The following RANBP17 variants were observed in gnomAD, a reference collection of about 807,000 sequenced individuals.
The protein encoded by RANBP17 is ran-binding protein 17.
A neutral mutation model predicts 141.2 loss-of-function variants in RANBP17; 158 were observed. The ratio of observed to expected loss-of-function variants is 1.12; its 90% CI spans 0.98 to 1.28. The LOEUF is 1.28. Among genes scored for constraint, RANBP17 ranks in the 50% most tolerant of loss-of-function variants. The pLI, the probability that RANBP17 is intolerant of heterozygous loss-of-function variation, is 0.00. For missense variants in RANBP17, 1,438 were observed against 1,290.7 expected (o/e 1.11, Z -1.75); for synonymous variants, 430 against 450.0 (o/e 0.96, Z 0.56).
At chr5:171,079,784 T>C (rs566967127) in intron 14 of RANBP17, among the ~76,000 whole-genome samples, 2 of 152,370 alleles carry the variant, frequency 1.3e-5, no homozygotes, top group East Asian at 3.9e-4. Flanking sequence ...TGTAAACATG[T>C]AAATGCAACA....
chr5:171,178,844 C>A (rs1424165524), intron 16 of RANBP17, among the ~76,000 whole-genome samples: 10 of 152,128 alleles, frequency 6.6e-5, no homozygotes, highest in Non-Finnish European at 2.9e-5. Context: ...TGTTCCTATC[C>A]GTCGCCCACT....
intron 25 of RANBP17, among the ~76,000 whole-genome samples, chr5:171,275,182 C>G (rs1471897652): frequency 6.6e-6 from 1 of 152,092 alleles, no homozygotes; most frequent in East Asian, 1.9e-4. Flanking sequence ...TTTATTTCAG[C>G]CAGTGACAAT....
chr5:171,284,568 T>C (rs1041121412), intron 25 of RANBP17: 1 of 152,190 alleles, frequency 6.6e-6, no homozygotes, highest in Non-Finnish European at 1.5e-5. Flanking sequence ...TCAAGCAATC[T>C]GCCCACCTTG....
At chr5:170,959,125 A>T (rs1775951122) in intron 13 of RANBP17, among the ~76,000 whole-genome samples, 1 of 152,104 alleles carries the variant, frequency 6.6e-6, no homozygotes, top group Non-Finnish European at 1.5e-5. Flanking sequence ...CTTCTTTCAG[A>T]CCTATTCTAC....
chr5:171,226,405 G>A lies in RANBP17; in HGVS notation c.2422+4565G>A, dbSNP rs554964244. Among the ~76,000 whole-genome samples, 10 of 152,220 alleles carry A rather than the reference G, an allele frequency of 6.6e-5. No homozygotes were observed. In the South Asian group the frequency reaches 1.7e-3, roughly 25 times the overall value. On this transcript the variant is annotated intron_variant, in intron 22 of 27. Coordinates refer to ENST00000523189, the MANE Select transcript of RANBP17 (RefSeq NM_022897.5). ...TTCCTTAGGTACCTGATTTAAGAACGCAATATATAAAGATTCTAAACTTTA... is the reference window on the plus strand; with the variant it reads ...TTCCTTAGGTACCTGATTTAAGAACACAATATATAAAGATTCTAAACTTTA...
At chr5:171,000,755 G>C (rs939925089) in intron 14 of RANBP17, among the ~76,000 whole-genome samples, 4 of 152,152 alleles carry the variant, frequency 2.6e-5, no homozygotes, top group African/African-American at 9.7e-5. Context: ...AATGTTTTAC[G>C]GGCAGGGGGT....
At chr5:170,967,115 G>A (rs1776626080) in intron 13 of RANBP17, among the ~76,000 whole-genome samples, 1 of 152,068 alleles carries the variant, frequency 6.6e-6, no homozygotes, top group Non-Finnish European at 1.5e-5. Context: ...AAGAGAATGA[G>A]GAACCTCCTT....
At chr5:171,169,701 A>G (rs77325418) in intron 14 of RANBP17, among the ~76,000 whole-genome samples, 1 of 32,036 alleles carries the variant, frequency 3.1e-5, no homozygotes, top group Non-Finnish European at 1.2e-4. Context: ...ACTGCCTTAA[A>G]TAATCCTGAA....
In RANBP17 at chr5:170,969,767, C is replaced by T. The variant is rs149978334; in HGVS notation, c.1710+1390C>T. Among the ~76,000 whole-genome samples, 840 of 151,936 alleles carry T rather than the reference C, an allele frequency of 5.5e-3. 4 individuals carry two copies. Among genetic ancestry groups the T allele is most frequent in the Middle Eastern group, 0.01 (3 of 294 alleles). On this transcript the variant is annotated intron_variant, in intron 14 of 27. Transcript: ENST00000523189. ...AATATAAGGTAATTGTGAAAAAAAG[C>T]GAATTACAGATTAGTTTTTCGTTTT...
intron 14 of RANBP17, among the ~76,000 whole-genome samples, chr5:171,008,709 A>G (rs1476011962): frequency 1.3e-5 from 2 of 152,186 alleles, no homozygotes; most frequent in African/African-American, 2.4e-5. Context: ...GGGCAAAAAC[A>G]AATCACAAGG....
At chr5:170,986,353 A>T (rs1218946827) in intron 14 of RANBP17, among the ~76,000 whole-genome samples, 2 of 151,986 alleles carry the variant, frequency 1.3e-5, no homozygotes, top group Non-Finnish European at 2.9e-5. Context: ...TTGTGGAATA[A>T]CTTGAAATTT....
intron 18 of RANBP17, among the ~76,000 whole-genome samples, chr5:171,184,288 A>T (rs1036375725): frequency 8.5e-5 from 13 of 152,228 alleles, no homozygotes; most frequent in African/African-American, 2.9e-4. Flanking sequence ...ACACAGTGGG[A>T]TACTATTCAG....
intron 14 of RANBP17, among the ~76,000 whole-genome samples, chr5:171,015,708 A>C (rs1313898947): frequency 6.6e-6 from 1 of 152,124 alleles, no homozygotes; most frequent in Non-Finnish European, 1.5e-5. Context: ...AATTACTTGG[A>C]AACAGTGTGT....
chr5:171,110,196 G>A (rs1755126769), intron 14 of RANBP17, among the ~76,000 whole-genome samples: 1 of 151,882 alleles, frequency 6.6e-6, no homozygotes, highest in Non-Finnish European at 1.5e-5. Flanking sequence ...CTGTGGCTCT[G>A]TGACATTGGA....
chr5:171,114,782 A>C (rs1452009887), intron 14 of RANBP17, among the ~76,000 whole-genome samples: 1 of 151,066 alleles, frequency 6.6e-6, no homozygotes, highest in East Asian at 1.9e-4. Flanking sequence ...TTGCTTAAGT[A>C]CTAGGGACAC....
chr5:170,965,242 G>GTT (rs1776460925), intron 13 of RANBP17, among the ~76,000 whole-genome samples: 1 of 86,512 alleles, frequency 1.2e-5, no homozygotes, highest in African/African-American at 3.3e-5. Context: ...TTTTGATGGG[G>GTT]TTGTTTTTTT....
intron 18 of RANBP17, among the ~76,000 whole-genome samples, chr5:171,189,691 G>A (rs1761499015): frequency 6.6e-6 from 1 of 152,204 alleles, no homozygotes; most frequent in African/African-American, 2.4e-5. Flanking sequence ...TCTTGTGCCC[G>A]ATTAGTCTCT....
intron 1 of RANBP17, among the ~76,000 whole-genome samples, chr5:170,875,042 G>A (rs1768066757): frequency 2.6e-5 from 4 of 152,098 alleles, no homozygotes; most frequent in African/African-American, 9.7e-5. Context: ...AATTCCCTCA[G>A]CATTTGCTTG....
chr5:171,137,571 G>GGGGTGTGTGT (rs757634108), intron 14 of RANBP17, among the ~76,000 whole-genome samples: 1 of 63,126 alleles, frequency 1.6e-5, no homozygotes, highest in African/African-American at 4.9e-5. Context: ...GTTGACTTGA[G>GGGGTGTGTGT]ATGTGTGTGT....
Sources: allele counts gnomAD v4.1 joint callset (sites outside exome capture counted in the v4.1 genomes callset), GRCh38; gene constraint gnomAD v4.1.1; transcripts MANE v1.5; gene names NCBI Gene and HGNC (gene_info 2026-07-23, HGNC 2026-07-21).